FMN1: variants seen among roughly 807,000 people sequenced by gnomAD.
The protein encoded by FMN1 is formin-1.
In FMN1, 110 loss-of-function variants were observed where a neutral mutation model predicts 132.4. The ratio of observed to expected loss-of-function variants is 0.83; its 90% CI spans 0.71 to 0.97. The LOEUF (loss-of-function observed/expected upper bound fraction) is 0.97. Among genes scored for constraint, FMN1 ranks in the 50% least tolerant of loss-of-function variants. The pLI is 0.00. For synonymous variants in FMN1, 722 were observed against 651.7 expected, an observed-to-expected ratio of 1.11 and a Z score of -1.64; for missense variants, 1,792 against 1,705.3, an observed-to-expected ratio of 1.05 and a Z score of -0.90.
At chr15:33,133,818 C>T (rs1011220082) in intron 4 of FMN1, among the ~76,000 whole-genome samples, 1 of 152,176 alleles carries the variant, frequency 6.6e-6, no homozygotes, top group African/African-American at 2.4e-5. Context: ...GACTTCCAAC[C>T]TGTGCTATAG....
intron 16 of FMN1, among the ~76,000 whole-genome samples, chr15:32,866,854 C>T (rs1259886142): frequency 1.3e-5 from 2 of 152,172 alleles, no homozygotes; most frequent in Admixed American, 6.5e-5. Flanking sequence ...TGTCCCTTAG[C>T]GTCTGTGTTC....
At chr15:32,959,242 A>C (rs1162463358) in intron 9 of FMN1, among the ~76,000 whole-genome samples, 2 of 152,250 alleles carry the variant, frequency 1.3e-5, no homozygotes, top group South Asian at 2.1e-4. Context: ...ATCCAGCTGA[A>C]GGAGTTGGCC....
At chr15:33,046,717 C>T (rs932722682) in intron 6 of FMN1, among the ~76,000 whole-genome samples, 4 of 151,630 alleles carry the variant, frequency 2.6e-5, no homozygotes, top group South Asian at 2.1e-4. Context: ...CTGGCAAAAA[C>T]GATAAGAATT....
intron 4 of FMN1, among the ~76,000 whole-genome samples, chr15:33,125,579 C>T (rs935800093): frequency 2.6e-5 from 4 of 152,138 alleles, no homozygotes; most frequent in African/African-American, 7.2e-5. Flanking sequence ...GTGTCTCACA[C>T]CTGTAATCCC....
At chr15:32,917,016 G>A (rs1476897263) in intron 10 of FMN1, among the ~76,000 whole-genome samples, 1 of 152,168 alleles carries the variant, frequency 6.6e-6, no homozygotes, top group Non-Finnish European at 1.5e-5. Context: ...TTCATGGGAA[G>A]AGGCAGTAGT....
chr15:33,059,655 T>C (rs1566876812), intron 6 of FMN1, among the ~76,000 whole-genome samples: 1 of 152,258 alleles, frequency 6.6e-6, no homozygotes, highest in Non-Finnish European at 1.5e-5. Flanking sequence ...CTCATAATTA[T>C]TACACATAAT....
At chr15:33,003,633 G>C (rs973887885) in intron 7 of FMN1, among the ~76,000 whole-genome samples, 5 of 152,166 alleles carry the variant, frequency 3.3e-5, no homozygotes, top group African/African-American at 1.2e-4. Context: ...GTAATTTATA[G>C]ATTCAATGCC....
At chr15:32,985,397 C>T (rs2033002001) in intron 7 of FMN1, among the ~76,000 whole-genome samples, 1 of 152,102 alleles carries the variant, frequency 6.6e-6, no homozygotes, top group Non-Finnish European at 1.5e-5. Flanking sequence ...TATGGGGACT[C>T]ATGTTTTTAT....
intron 17 of FMN1, among the ~76,000 whole-genome samples, chr15:32,819,451 T>A (rs1303573890): frequency 1.3e-5 from 2 of 152,216 alleles, no homozygotes; most frequent in African/African-American, 4.8e-5. Context: ...GGCTGGTCAC[T>A]AACTTTATTC....
chr15:33,051,101 A>C (rs1317925701), intron 6 of FMN1, among the ~76,000 whole-genome samples: 1 of 152,200 alleles, frequency 6.6e-6, no homozygotes, highest in Non-Finnish European at 1.5e-5. Flanking sequence ...AAGAAGGCAG[A>C]GGGATCGGGG....
chr15:32,944,982 T>G (rs1168095709), intron 9 of FMN1, among the ~76,000 whole-genome samples: 1 of 152,166 alleles, frequency 6.6e-6, no homozygotes, highest in East Asian at 1.9e-4. Context: ...ACAGCTTTGA[T>G]TTTAGACTTC....
chr15:32,892,331 T>C (rs1345920637), intron 15 of FMN1, among the ~76,000 whole-genome samples: 1 of 152,224 alleles, frequency 6.6e-6, no homozygotes, highest in Non-Finnish European at 1.5e-5. Flanking sequence ...TTTCTGTTCT[T>C]AATTCTGTTT....
chr15:33,127,925 T>C (rs973707581), intron 4 of FMN1, among the ~76,000 whole-genome samples: 4 of 134,232 alleles, frequency 3.0e-5, no homozygotes, highest in Non-Finnish European at 6.6e-5. Context: ...CAGATGGAAA[T>C]AGAAGAAGAG....
chr15:33,035,177 C>A (rs2036131788), intron 6 of FMN1, among the ~76,000 whole-genome samples: 1 of 152,066 alleles, frequency 6.6e-6, no homozygotes, highest in Non-Finnish European at 1.5e-5. Context: ...GATCTAGTGG[C>A]AGGTGTAAAA....
chr15:32,966,037 G>A (rs1339864076), intron 8 of FMN1, among the ~76,000 whole-genome samples: 2 of 152,130 alleles, frequency 1.3e-5, no homozygotes, highest in East Asian at 1.9e-4. Flanking sequence ...ATTCTGGAGT[G>A]AGCATGCGGC....
chr15:32,925,747 T>C (rs2060943988), intron 10 of FMN1, among the ~76,000 whole-genome samples: 1 of 152,140 alleles, frequency 6.6e-6, no homozygotes, highest in Non-Finnish European at 1.5e-5. Context: ...ATAATGGCAC[T>C]GGGTGGAGTA....
chr15:33,048,523 G>A (rs1246358502), intron 6 of FMN1, among the ~76,000 whole-genome samples: 2 of 150,376 alleles, frequency 1.3e-5, no homozygotes, highest in Non-Finnish European at 3.0e-5. Context: ...ATTATATCAT[G>A]TAATTGAGAC....
intron 6 of FMN1, among the ~76,000 whole-genome samples, chr15:33,010,165 G>C (rs533637999): frequency 6.6e-6 from 1 of 152,268 alleles, no homozygotes; most frequent in Admixed American, 6.5e-5. Context: ...CCAACATGAA[G>C]AATCTTAAAG....
intron 4 of FMN1, among the ~76,000 whole-genome samples, chr15:33,152,839 C>A (rs1245576202): frequency 6.9e-6 from 1 of 144,118 alleles, no homozygotes; most frequent in African/African-American, 2.6e-5. Flanking sequence ...GTCCTGGAAG[C>A]AACTATACCT....
Sources: gnomAD v4.1 joint callset for allele counts (sites outside exome capture counted in the v4.1 genomes callset) on GRCh38, gnomAD v4.1.1 for gene constraint, MANE v1.5 for transcripts, NCBI Gene and HGNC (gene_info 2026-07-23, HGNC 2026-07-21) for gene names.